FBXO4: variants seen among roughly 807,000 people sequenced by gnomAD.
FBXO4 encodes the protein F-box only protein 4.
FBXO4 carries 36 observed loss-of-function variants against 43.7 expected under a neutral mutation model. That is an observed-to-expected ratio of 0.82 (90% CI 0.63 to 1.09). The LOEUF is 1.09. Ranked by LOEUF, FBXO4 falls within the 50% of genes least tolerant of loss-of-function variation. The probability of loss-of-function intolerance (pLI) is 0.00; values close to 1 mark genes in which losing one functional copy is unlikely to be tolerated. For missense variants in FBXO4, 435 were observed against 474.1 expected (o/e 0.92, Z 0.77); for synonymous variants, 180 against 165.6 (o/e 1.09, Z -0.67).
At chr5:42,008,609 T>C in the FBXO4 span, among the ~76,000 whole-genome samples, 1 of 152,168 alleles carries the variant, frequency 6.6e-6, no homozygotes, top group Non-Finnish European at 1.5e-5. Context: ...ATCTTGGTTA[T>C]ATTGCCTCTT....
chr5:41,992,000 C>T, the FBXO4 span, among the ~76,000 whole-genome samples: 1 of 152,162 alleles, frequency 6.6e-6, no homozygotes. Context: ...ATCGCTTGAA[C>T]CCGGGAGGCA....
chr5:42,003,455 T>A, the FBXO4 span, among the ~76,000 whole-genome samples: 7 of 152,216 alleles, frequency 4.6e-5, no homozygotes, highest in Admixed American at 2.0e-4. Context: ...TAGATGAACA[T>A]CGTACCATCT....
the FBXO4 span, among the ~76,000 whole-genome samples, chr5:41,971,778 T>C: frequency 6.6e-6 from 1 of 152,120 alleles, no homozygotes; most frequent in Non-Finnish European, 1.5e-5. Context: ...TTGATTAAAA[T>C]AAATTACAAA....
At chr5:41,942,313 T>C (rs2112591365), downstream of FBXO4, among the ~76,000 whole-genome samples, 1 of 152,222 alleles carries the variant, frequency 6.6e-6, no homozygotes, top group East Asian at 1.9e-4. Flanking sequence ...GTAGTTTTAC[T>C]ATGGTGAGGC....
At chr5:41,932,635 T>C (rs1751723296) in intron 3 of FBXO4, among the ~76,000 whole-genome samples, 1 of 152,206 alleles carries the variant, frequency 6.6e-6, no homozygotes, top group Non-Finnish European at 1.5e-5. Context: ...GACAATTAGA[T>C]ACCATTATTA....
At chr5:41,986,809 T>C in the FBXO4 span, among the ~76,000 whole-genome samples, 1 of 152,168 alleles carries the variant, frequency 6.6e-6, no homozygotes, top group Non-Finnish European at 1.5e-5. Context: ...GAAAAACTTC[T>C]GTTATTCCTT....
chr5:41,956,549 C>A, the FBXO4 span, among the ~76,000 whole-genome samples: 9 of 152,086 alleles, frequency 5.9e-5, no homozygotes, highest in African/African-American at 1.9e-4. Flanking sequence ...ATTTTGACTT[C>A]ATTTTTATAG....
the FBXO4 span, among the ~76,000 whole-genome samples, chr5:42,002,001 AT>A: frequency 6.6e-6 from 1 of 152,156 alleles, no homozygotes; most frequent in Non-Finnish European, 1.5e-5. Flanking sequence ...AGCCACCTTA[AT>A]TTTTTAAAAA....
the FBXO4 span, among the ~76,000 whole-genome samples, chr5:42,025,670 G>A: frequency 6.6e-6 from 1 of 151,778 alleles, no homozygotes; most frequent in East Asian, 1.9e-4. Context: ...GTTTCATAGT[G>A]TGAGGTCTTA....
chr5:42,010,957 A>G, the FBXO4 span, among the ~76,000 whole-genome samples: 2 of 151,950 alleles, frequency 1.3e-5, no homozygotes, highest in Non-Finnish European at 2.9e-5. Context: ...TATACGTGCC[A>G]TGGTGGTTTG....
chr5:42,015,317 T>G, the FBXO4 span, among the ~76,000 whole-genome samples: 1 of 152,236 alleles, frequency 6.6e-6, no homozygotes, highest in Non-Finnish European at 1.5e-5. Flanking sequence ...CGCTTCAAAC[T>G]GACACATTTC....
chr5:41,941,158 C>T, intron 6 of FBXO4, 34 bp from the exon 7 acceptor site: 3 of 1,571,396 alleles, frequency 1.9e-6, no homozygotes, highest in Non-Finnish European at 2.6e-6. Context: ...GACTTAGTTT[C>T]TTACTAACAA....
At chr5:41,942,282 A>G (rs902136042), downstream of FBXO4, among the ~76,000 whole-genome samples, 1 of 152,078 alleles carries the variant, frequency 6.6e-6, no homozygotes, top group African/African-American at 2.4e-5. Context: ...CACATTTGTC[A>G]GAATGTTTAC....
At chr5:41,947,147 T>A in the FBXO4 span, among the ~76,000 whole-genome samples, 3 of 152,198 alleles carry the variant, frequency 2.0e-5, no homozygotes, top group Non-Finnish European at 4.4e-5. Context: ...CAGGGATATT[T>A]CCTCCTTAGA....
At chr5:42,007,299 AT>A in the FBXO4 span, among the ~76,000 whole-genome samples, 1 of 152,086 alleles carries the variant, frequency 6.6e-6, no homozygotes, top group East Asian at 1.9e-4. Context: ...TGATATTTTC[AT>A]TTTTATCATA....
chr5:41,997,907 G>T, the FBXO4 span, among the ~76,000 whole-genome samples: 35,290 of 151,974 alleles, frequency 0.23, 4,495 homozygotes, highest in African/African-American at 0.33. Context: ...AGGGTTCTAG[G>T]CCTATAAACT....
chr5:42,034,555 G>A, the FBXO4 span, among the ~76,000 whole-genome samples: 1 of 152,088 alleles, frequency 6.6e-6, no homozygotes, highest in Non-Finnish European at 1.5e-5. Flanking sequence ...GTGTAAGGAA[G>A]GGGTCCTGTT....
At chr5:41,944,292 T>C (rs1452211034), downstream of FBXO4, among the ~76,000 whole-genome samples, 3 of 152,240 alleles carry the variant, frequency 2.0e-5, no homozygotes, top group African/African-American at 7.2e-5. Context: ...GTTTTACTTA[T>C]ACCTAGAGAA....
At chr5:41,952,304 T>C in the FBXO4 span, 1 of 152,198 alleles carries the variant, frequency 6.6e-6, no homozygotes, top group African/African-American at 2.4e-5. Context: ...GTATATTTAA[T>C]AAAGATAGGA....
Sources: gnomAD v4.1 joint callset for allele counts (sites outside exome capture counted in the v4.1 genomes callset) on GRCh38, gnomAD v4.1.1 for gene constraint, MANE v1.5 for transcripts, NCBI Gene and HGNC (gene_info 2026-07-23, HGNC 2026-07-21) for gene names.